TMOD3: variants seen among roughly 807,000 people sequenced by gnomAD.
The protein encoded by TMOD3 is tropomodulin 3, also known as tropomodulin-3.
In TMOD3, 20 loss-of-function variants were observed where a neutral mutation model predicts 39.2. That is an observed-to-expected ratio of 0.51 (90% CI 0.36 to 0.74). TMOD3 has a LOEUF of 0.74. TMOD3 is among the 30% of genes least tolerant of loss of function. The pLI is 0.00. For missense variants in TMOD3, 381 were observed against 412.8 expected (o/e 0.92, Z 0.67); for synonymous variants, 143 against 145.8 (o/e 0.98, Z 0.14).
intron 2 of TMOD3, among the ~76,000 whole-genome samples, chr15:51,868,352 C>T (rs1255140171): frequency 2.0e-5 from 3 of 152,110 alleles, no homozygotes; most frequent in South Asian, 2.1e-4. Flanking sequence ...GGTTTCATTA[C>T]GTAGGTAAAC....
intron 7 of TMOD3, among the ~76,000 whole-genome samples, chr15:51,897,042 A>G (rs2056624245): frequency 1.3e-5 from 2 of 152,232 alleles, no homozygotes; most frequent in Admixed American, 1.3e-4. Flanking sequence ...TGATCATGGT[A>G]TAAACCTTTT....
chr15:51,848,632 G>T (rs1595891866), intron 1 of TMOD3, among the ~76,000 whole-genome samples: 1 of 152,300 alleles, frequency 6.6e-6, no homozygotes, highest in Non-Finnish European at 1.5e-5. Flanking sequence ...GTTGGCTAGT[G>T]AACCGTATCT....
At chr15:51,902,088 TG>T in intron 9 of TMOD3, 52 bp downstream of exon 9, 1 of 1,587,002 alleles carries the variant, frequency 6.3e-7, no homozygotes, top group Non-Finnish European at 8.6e-7. Context: ...GCTAACGTAT[TG>T]GGGGAACTTC....
At chr15:51,853,203 ATTG>A (rs1409849709) in intron 1 of TMOD3, among the ~76,000 whole-genome samples, 1 of 152,200 alleles carries the variant, frequency 6.6e-6, no homozygotes, top group Non-Finnish European at 1.5e-5. Flanking sequence ...TGCCTTCTTT[ATTG>A]TTTGTTTATT....
intron 3 of TMOD3, among the ~76,000 whole-genome samples, chr15:51,871,180 C>T (rs1261901254): frequency 1.3e-5 from 2 of 152,108 alleles, no homozygotes; most frequent in Non-Finnish European, 1.5e-5. Flanking sequence ...ATGTCATGTC[C>T]CTCAGGTGTT....
chr15:51,881,604 G>A (rs1035834407), intron 3 of TMOD3, among the ~76,000 whole-genome samples: 6 of 120,138 alleles, frequency 5.0e-5, no homozygotes, highest in African/African-American at 6.8e-5. Context: ...TCTTGTTGCC[G>A]GGGCTGGAGT....
chr15:51,906,700 A>G (rs150802352), intron 9 of TMOD3, among the ~76,000 whole-genome samples: 9 of 152,134 alleles, frequency 5.9e-5, no homozygotes, highest in African/African-American at 2.2e-4. Flanking sequence ...CTGCAATTCA[A>G]AATTTTCGTT....
At chr15:51,885,202 A>G (rs1176599715) in intron 3 of TMOD3, among the ~76,000 whole-genome samples, 1 of 151,532 alleles carries the variant, frequency 6.6e-6, no homozygotes, top group Non-Finnish European at 1.5e-5. Flanking sequence ...CATATTTTCA[A>G]TCTTGCATGG....
intron 3 of TMOD3, among the ~76,000 whole-genome samples, chr15:51,869,628 A>G (rs971084700): frequency 1.3e-5 from 2 of 152,228 alleles, no homozygotes; most frequent in African/African-American, 2.4e-5. Flanking sequence ...ATTCTCTACT[A>G]TAACAGATCT....
intron 1 of TMOD3, among the ~76,000 whole-genome samples, chr15:51,837,303 C>T (rs966585665): frequency 1.3e-5 from 2 of 152,004 alleles, no homozygotes; most frequent in South Asian, 2.1e-4. Flanking sequence ...ATGAGTCTGG[C>T]TTATATTCAG....
chr15:51,871,144 C>T (rs767352540), intron 3 of TMOD3, among the ~76,000 whole-genome samples: 2 of 152,144 alleles, frequency 1.3e-5, no homozygotes, highest in Non-Finnish European at 2.9e-5. Flanking sequence ...ATAAAACTAA[C>T]CATCACGCTA....
In TMOD3 at chr15:51,867,843, C is replaced by G. The variant is rs374538523; in HGVS notation, c.127-1374C>G. 2.6e-5 allele frequency among the ~76,000 whole-genome samples: 4 copies of G among 152,306 alleles called. No individual in the cohort carries two copies. The East Asian group carries it at 7.7e-4, about 29-fold the overall frequency. ...CGGTACTCACTTTGTCTAGTCAGCC[C>G]TTGTGTTTACTGGGCTTAGTGAAAA... is the stretch of plus-strand genomic sequence containing the variant. On this transcript the variant is annotated intron_variant, in intron 2 of 9. Coordinates refer to ENST00000308580, the MANE Select transcript of TMOD3 (RefSeq NM_014547.5).
chr15:51,882,530 C>T (rs1253087161), intron 3 of TMOD3, among the ~76,000 whole-genome samples: 2 of 152,052 alleles, frequency 1.3e-5, no homozygotes, highest in African/African-American at 2.4e-5. Context: ...AAAAACTTTG[C>T]ATGTGATTGT....
Position 51,844,528 on chromosome 15 carries a change from C to G in TMOD3, c.-75+14692C>G, listed in dbSNP as rs139858357. Among the ~76,000 whole-genome samples, 406 of 152,164 alleles carry G rather than the reference C, an allele frequency of 2.7e-3. 1 individual carries two copies. The Middle Eastern group carries it at 0.027, about 10-fold the overall frequency. On this transcript the variant is annotated intron_variant, in intron 1 of 9. Transcript: ENST00000308580. ...TTTTCTAATATCTTTCAGTACTGTT[C>G]TCCTCTTGAGAGTCTTGGTTATAAA...
At chr15:51,905,397 G>A (rs2056673396) in intron 9 of TMOD3, among the ~76,000 whole-genome samples, 1 of 151,892 alleles carries the variant, frequency 6.6e-6, no homozygotes, top group African/African-American at 2.4e-5. Context: ...TGAGGCATGA[G>A]AATTGGTTGA....
intron 3 of TMOD3, among the ~76,000 whole-genome samples, chr15:51,884,946 C>A (rs893926581): frequency 6.6e-6 from 1 of 152,226 alleles, no homozygotes; most frequent in Non-Finnish European, 1.5e-5. Context: ...GGATCAGCAT[C>A]ATCTGGAAGT....
At chr15:51,852,217 A>G (rs1300895171) in intron 1 of TMOD3, among the ~76,000 whole-genome samples, 1 of 152,200 alleles carries the variant, frequency 6.6e-6, no homozygotes, top group Non-Finnish European at 1.5e-5. Flanking sequence ...TTGAAAAACA[A>G]ATATTCATCT....
intron 5 of TMOD3, among the ~76,000 whole-genome samples, chr15:51,890,461 G>A (rs2056586925): frequency 6.6e-6 from 1 of 151,888 alleles, no homozygotes; most frequent in Non-Finnish European, 1.5e-5. Context: ...ACAGGCATGA[G>A]CCACTGTGCC....
chr15:51,901,605 GTGTGTGTA>G, intron 8 of TMOD3: 1 of 364,008 alleles, frequency 2.7e-6, no homozygotes, highest in Non-Finnish European at 5.1e-6. Context: ...GTGTGTGTGT[GTGTGTGTA>G]TAAAGTTCCA....
Sources: allele counts gnomAD v4.1 joint callset (sites outside exome capture counted in the v4.1 genomes callset), GRCh38; gene constraint gnomAD v4.1.1; transcripts MANE v1.5; gene names NCBI Gene and HGNC (gene_info 2026-07-23, HGNC 2026-07-21).